NEK10: variants seen among roughly 807,000 people sequenced by gnomAD.
NEK10 encodes serine/threonine-protein kinase Nek10.
In NEK10, 122 loss-of-function variants were observed where a neutral mutation model predicts 159.8. The ratio of observed to expected loss-of-function variants is 0.76; its 90% CI spans 0.66 to 0.89. NEK10 has a LOEUF of 0.89. NEK10 is among the 40% of genes least tolerant of loss of function. NEK10 has a pLI of 0.00. For synonymous variants in NEK10, 466 were observed against 457.1 expected (o/e 1.02, Z -0.25); for missense variants, 1,342 against 1,323.1 (o/e 1.01, Z -0.22).
rs572417540 is a variant in NEK10, at chr3:27,214,889, C to T, written c.2091-12332G>A. 7 of 1,195,612 alleles carry T rather than the reference C, an allele frequency of 5.9e-6. No homozygotes were observed. The East Asian group carries it at 9.4e-5, about 16-fold the overall frequency. 74.1% of individuals were successfully genotyped at this position (1,195,612 alleles called of 1,614,324 possible). A position where few individuals can be genotyped will look rare whatever the true frequency, so the allele number is the denominator to read the frequency against. ...AGCCATTCCTAATCCCATGCCAGAA[C>T]GGAAGGCTAATGGCCACATTCTTCT... is the stretch of plus-strand genomic sequence containing the variant. On this transcript the variant is annotated intron_variant, in intron 23 of 35. Coordinates refer to ENST00000691995, the MANE Select transcript of NEK10 (RefSeq NM_001394966.1).
chr3:27,124,924 T>C (rs1042960482), intron 32 of NEK10, among the ~76,000 whole-genome samples: 2 of 152,190 alleles, frequency 1.3e-5, no homozygotes, highest in Non-Finnish European at 2.9e-5. Flanking sequence ...ACCCTTTTTT[T>C]TGCCTCATGA....
intron 23 of NEK10, chr3:27,206,747 AT>A: frequency 8.5e-6 from 3 of 351,964 alleles, no homozygotes; most frequent in Non-Finnish European, 8.0e-6. Context: ...CAATTTGCCT[AT>A]TTTATAAATT....
chr3:27,258,805 C>A (rs201791072), intron 22 of NEK10, among the ~76,000 whole-genome samples: 2 of 151,384 alleles, frequency 1.3e-5, no homozygotes. Flanking sequence ...CTGACTTCCA[C>A]AATGGTTGAA....
chr3:27,202,164 T>TTAAA (rs75606966), intron 24 of NEK10, among the ~76,000 whole-genome samples: 35,550 of 151,074 alleles, frequency 0.24, 4,487 homozygotes, highest in Middle Eastern at 0.38. Flanking sequence ...AATAAATAAA[T>TTAAA]TAAATAAATA....
At chr3:27,232,520 A>G (rs960299781) in intron 23 of NEK10, among the ~76,000 whole-genome samples, 4 of 151,920 alleles carry the variant, frequency 2.6e-5, no homozygotes, top group African/African-American at 7.2e-5. Flanking sequence ...TGGAATTTCC[A>G]TCAAAATATC....
intron 23 of NEK10, among the ~76,000 whole-genome samples, chr3:27,209,885 G>A (rs1358905145): frequency 6.6e-6 from 1 of 152,156 alleles, no homozygotes; most frequent in African/African-American, 2.4e-5. Flanking sequence ...GTCTTTTGTG[G>A]AGAATATTTG....
At chr3:27,348,437 A>G (rs2047723819) in intron 3 of NEK10, among the ~76,000 whole-genome samples, 1 of 152,216 alleles carries the variant, frequency 6.6e-6, no homozygotes, top group African/African-American at 2.4e-5. Context: ...ATAGTTGCAA[A>G]GACCAGGAAC....
At chr3:27,164,928 G>A (rs1185490907) in intron 29 of NEK10, among the ~76,000 whole-genome samples, 1 of 152,204 alleles carries the variant, frequency 6.6e-6, no homozygotes, top group African/African-American at 2.4e-5. Flanking sequence ...ATTAACAAAT[G>A]TTATGCATAA....
chr3:27,345,256 GT>G (rs1356758205), intron 4 of NEK10, among the ~76,000 whole-genome samples: 3 of 152,080 alleles, frequency 2.0e-5, no homozygotes, highest in Non-Finnish European at 4.4e-5. Flanking sequence ...CCCCATCCTA[GT>G]CACCTGAGGG....
intron 22 of NEK10, among the ~76,000 whole-genome samples, chr3:27,282,571 T>TTTTATA (rs1553616074): frequency 2.3e-5 from 1 of 43,120 alleles, no homozygotes; most frequent in African/African-American, 1.6e-4. Context: ...CATAACTGTG[T>TTTTATA]TATATATATA....
chr3:27,136,215 C>T (rs914695727), intron 31 of NEK10, among the ~76,000 whole-genome samples: 1 of 150,956 alleles, frequency 6.6e-6, no homozygotes, highest in Non-Finnish European at 1.5e-5. Flanking sequence ...CAGGTTCACG[C>T]CACTATCCTG....
chr3:27,226,141 C>T (rs1450181872), intron 23 of NEK10, among the ~76,000 whole-genome samples: 1 of 151,894 alleles, frequency 6.6e-6, no homozygotes, highest in East Asian at 1.9e-4. Flanking sequence ...ACATCATTCT[C>T]CTGCCTCAGC....
intron 26 of NEK10, among the ~76,000 whole-genome samples, chr3:27,177,643 A>G (rs1947657043): frequency 6.6e-6 from 1 of 152,156 alleles, no homozygotes; most frequent in East Asian, 1.9e-4. Context: ...CATAAACCAT[A>G]TGCCACACAT....
intron 30 of NEK10, among the ~76,000 whole-genome samples, chr3:27,153,436 A>T (rs2148759714): frequency 6.6e-6 from 1 of 152,304 alleles, no homozygotes; most frequent in East Asian, 1.9e-4. Context: ...GATTTAACTA[A>T]ATACCTTGAA....
chr3:27,309,144 G>GTT (rs10662525), intron 9 of NEK10, 139 bp from the exon 10 acceptor site: 85,564 of 366,618 alleles, frequency 0.23, 9,521 homozygotes, highest in African/African-American at 0.54. Flanking sequence ...AGGCTTAACT[G>GTT]TTTTTTTTTT....
intron 23 of NEK10, among the ~76,000 whole-genome samples, chr3:27,250,315 T>A (rs1243611789): frequency 6.6e-6 from 1 of 151,936 alleles, no homozygotes; most frequent in Non-Finnish European, 1.5e-5. Context: ...GCCTCCCAAG[T>A]AGCTGGGACT....
intron 23 of NEK10, among the ~76,000 whole-genome samples, chr3:27,225,997 C>T (rs1434652710): frequency 1.3e-5 from 2 of 152,088 alleles, no homozygotes; most frequent in African/African-American, 2.4e-5. Context: ...TGTATGTCTA[C>T]TTGAAGAAAT....
intron 35 of NEK10, among the ~76,000 whole-genome samples, chr3:27,114,038 G>A (rs1940006309): frequency 6.6e-6 from 1 of 152,124 alleles, no homozygotes; most frequent in Admixed American, 6.6e-5. Flanking sequence ...ATGATAGTAT[G>A]CTTATGTATG....
At chr3:27,368,866 G>A (rs1559578680) in intron 1 of NEK10, among the ~76,000 whole-genome samples, 1 of 152,156 alleles carries the variant, frequency 6.6e-6, no homozygotes, top group Admixed American at 6.5e-5. Flanking sequence ...GCAGAAAAGC[G>A]ACGCTCATAG....
Sources: gnomAD v4.1 joint callset for allele counts (sites outside exome capture counted in the v4.1 genomes callset) on GRCh38, gnomAD v4.1.1 for gene constraint, MANE v1.5 for transcripts, NCBI Gene and HGNC (gene_info 2026-07-23, HGNC 2026-07-21) for gene names.